The following SOX6 variants were observed in gnomAD, a reference collection of about 807,000 sequenced individuals.
The protein encoded by SOX6 is transcription factor SOX-6.
A neutral mutation model predicts 97.8 loss-of-function variants in SOX6; 11 were observed. The observed-to-expected ratio is 0.11, with a 90% confidence interval of 0.07 to 0.19. The LOEUF (loss-of-function observed/expected upper bound fraction) is 0.19, where lower values mean the gene tolerates loss of function less well. Among genes scored for constraint, SOX6 ranks in the 10% least tolerant of loss-of-function variants. The pLI is 1.00. For missense variants in SOX6, 810 were observed against 1,039.5 expected (o/e 0.78, Z 3.04); for synonymous variants, 360 against 371.4 (o/e 0.97, Z 0.35).
intron 3 of SOX6, among the ~76,000 whole-genome samples, chr11:16,635,114 T>C (rs897585361): frequency 1.3e-5 from 2 of 152,224 alleles, no homozygotes; most frequent in African/African-American, 4.8e-5. Context: ...AATGGACTAA[T>C]ACAGTAAATT....
At chr11:16,689,947 AAG>A (rs1847999929) in intron 3 of SOX6, among the ~76,000 whole-genome samples, 1 of 150,076 alleles carries the variant, frequency 6.7e-6, no homozygotes, top group Admixed American at 6.6e-5. Context: ...TTTTTTTTGA[AAG>A]AGTCTCACTC....
chr11:16,671,398 G>T (rs1847846610), intron 3 of SOX6, among the ~76,000 whole-genome samples: 1 of 152,162 alleles, frequency 6.6e-6, no homozygotes, highest in African/African-American at 2.4e-5. Context: ...AACAAGAATT[G>T]CAATAAAGTG....
At chr11:16,637,856 G>T (rs1460569425) in intron 3 of SOX6, among the ~76,000 whole-genome samples, 1 of 151,870 alleles carries the variant, frequency 6.6e-6, no homozygotes, top group Non-Finnish European at 1.5e-5. Context: ...TTATAGGCAA[G>T]GCCTGGAAGG....
chr11:15,979,087 T>C (rs1853589535), intron 15 of SOX6, among the ~76,000 whole-genome samples: 1 of 131,364 alleles, frequency 7.6e-6, no homozygotes, highest in Non-Finnish European at 1.6e-5. Context: ...TTGATTTGGA[T>C]TTCTAAATGC....
chr11:16,501,899 T>C (rs1860714553), intron 4 of SOX6, among the ~76,000 whole-genome samples: 1 of 152,178 alleles, frequency 6.6e-6, no homozygotes, highest in African/African-American at 2.4e-5. Context: ...TGGAAGTCAG[T>C]GTGGCGATTC....
At chr11:16,174,532 G>T (rs1851130957) in intron 6 of SOX6, among the ~76,000 whole-genome samples, 1 of 151,870 alleles carries the variant, frequency 6.6e-6, no homozygotes, top group Non-Finnish European at 1.5e-5. Context: ...AAATGGTTAT[G>T]TCAGTACATC....
chr11:16,250,576 T>C (rs1298431229), intron 3 of SOX6, among the ~76,000 whole-genome samples: 1 of 152,094 alleles, frequency 6.6e-6, no homozygotes, highest in Non-Finnish European at 1.5e-5. Flanking sequence ...CTGATGTAGA[T>C]GTATTAATAT....
At chr11:16,701,099 CTTAA>C (rs913473365) in intron 3 of SOX6, among the ~76,000 whole-genome samples, 23 of 152,296 alleles carry the variant, frequency 1.5e-4, no homozygotes, top group African/African-American at 5.3e-4. Flanking sequence ...AGTTGGTCTT[CTTAA>C]TTATTAAAAG....
intron 4 of SOX6, among the ~76,000 whole-genome samples, chr11:16,587,335 T>C (rs1848105418): frequency 6.6e-6 from 1 of 152,184 alleles, no homozygotes; most frequent in South Asian, 2.1e-4. Flanking sequence ...ACTAAAATAA[T>C]GACATCTACC....
chr11:16,526,662 T>G (rs942402314), intron 4 of SOX6, among the ~76,000 whole-genome samples: 2 of 151,728 alleles, frequency 1.3e-5, no homozygotes, highest in African/African-American at 4.8e-5. Context: ...ATAAATAAAG[T>G]AAATCTCTCT....
chr11:16,561,908 A>G (rs770064896), intron 4 of SOX6, among the ~76,000 whole-genome samples: 12 of 146,448 alleles, frequency 8.2e-5, no homozygotes. Flanking sequence ...TTTTTTTTTC[A>G]TAGAGACAGA....
At chr11:16,585,297 T>A (rs1368645938) in intron 4 of SOX6, among the ~76,000 whole-genome samples, 1 of 152,234 alleles carries the variant, frequency 6.6e-6, no homozygotes, top group East Asian at 1.9e-4. Flanking sequence ...TTTGTTTTAA[T>A]AATAGCTAAT....
At chr11:16,379,783 AGC>A (rs1269402277) in intron 1 of SOX6, among the ~76,000 whole-genome samples, 76 of 152,256 alleles carry the variant, frequency 5.0e-4, no homozygotes, top group African/African-American at 1.8e-3. Context: ...GCAAAGATTT[AGC>A]TACAGATGAG....
At chr11:16,173,461 C>T (rs1175854543) in intron 6 of SOX6, among the ~76,000 whole-genome samples, 1 of 151,634 alleles carries the variant, frequency 6.6e-6, no homozygotes, top group African/African-American at 2.4e-5. Context: ...CAGTAGAGAC[C>T]CAAATTTGTA....
chr11:16,397,803 C>T (rs1015655016), intron 1 of SOX6, among the ~76,000 whole-genome samples: 1 of 151,530 alleles, frequency 6.6e-6, no homozygotes, highest in Non-Finnish European at 1.5e-5. Flanking sequence ...GGTGCTAAAA[C>T]ACAAGATACA....
chr11:16,000,938 C>T (rs1237120338), intron 13 of SOX6, among the ~76,000 whole-genome samples: 1 of 152,198 alleles, frequency 6.6e-6, no homozygotes, highest in South Asian at 2.1e-4. Flanking sequence ...CTTACTGCAA[C>T]CTCTGCCTCC....
rs570848046 is a variant in SOX6, at chr11:16,036,800, C to T, written c.1623+9714G>A. Among the ~76,000 whole-genome samples, 211 of 152,226 alleles carry T rather than the reference C, an allele frequency of 1.4e-3. 1 individual carries two copies. Among genetic ancestry groups the T allele is most frequent in the African/African-American group, 4.7e-3 (197 of 41,558 alleles). ...TAAAGGCAGGCACACAGTAAAACAA[C>T]ACAGTGTGTTTTCAAGTGATCGCGT... On this transcript the variant is annotated intron_variant, in intron 12 of 15. Transcript: ENST00000683767.
intron 3 of SOX6, among the ~76,000 whole-genome samples, chr11:16,649,642 G>T (rs1476628542): frequency 6.6e-6 from 1 of 151,470 alleles, no homozygotes; most frequent in Non-Finnish European, 1.5e-5. Context: ...TGAAGAAAAA[G>T]AACCTCAAAA....
chr11:16,697,192 T>A (rs980303594), intron 3 of SOX6, among the ~76,000 whole-genome samples: 3 of 152,192 alleles, frequency 2.0e-5, no homozygotes, highest in Non-Finnish European at 4.4e-5. Flanking sequence ...TACAGTTACT[T>A]CCTCCACTGA....
Sources: gnomAD v4.1 joint callset for allele counts (sites outside exome capture counted in the v4.1 genomes callset) on GRCh38, gnomAD v4.1.1 for gene constraint, MANE v1.5 for transcripts, NCBI Gene and HGNC (gene_info 2026-07-23, HGNC 2026-07-21) for gene names.